Variants in CDC25C observed in about 807,000 individuals in gnomAD.
The protein encoded by CDC25C is M-phase inducer phosphatase 3.
Under a neutral mutation model 52.5 loss-of-function variants are expected in CDC25C, and 48 were observed. The ratio of observed to expected loss-of-function variants is 0.91; its 90% confidence interval spans 0.72 to 1.16. CDC25C has a LOEUF of 1.16. Ranked by LOEUF, CDC25C falls within the 50% of genes most tolerant of loss-of-function variation. CDC25C has a pLI of 0.00. For missense variants in CDC25C, 510 were observed against 566.1 expected, an observed-to-expected ratio of 0.90 and a Z score of 1.01; for synonymous variants, 187 against 206.5, an observed-to-expected ratio of 0.91 and a Z score of 0.81.
intron 7 of CDC25C, among the ~76,000 whole-genome samples, chr5:138,306,338 G>T (rs4522986): frequency 0.45 from 68,219 of 151,380 alleles, 16,634 homozygotes; most frequent in South Asian, 0.68. Flanking sequence ...CCAGTGCCTA[G>T]CACACTTCCC....
At chr5:138,303,247 G>A (rs72803818) in intron 7 of CDC25C, among the ~76,000 whole-genome samples, 19,165 of 152,176 alleles carry the variant, frequency 0.13, 1,506 homozygotes, top group Non-Finnish European at 0.17. Flanking sequence ...AAGGCAAGGG[G>A]TTGTAAGTAA....
intron 7 of CDC25C, among the ~76,000 whole-genome samples, chr5:138,300,824 A>G (rs939932715): frequency 6.6e-6 from 1 of 152,224 alleles, no homozygotes; most frequent in Non-Finnish European, 1.5e-5. Flanking sequence ...TTAGAATTCA[A>G]TAACAGAAAG....
intron 7 of CDC25C, among the ~76,000 whole-genome samples, chr5:138,312,914 C>T (rs1255094472): frequency 6.6e-6 from 1 of 151,868 alleles, no homozygotes; most frequent in African/African-American, 2.4e-5. Flanking sequence ...ACACTGATTA[C>T]CAATGAAAAC....
chr5:138,304,414 GTC>G (rs1261721336), intron 7 of CDC25C, among the ~76,000 whole-genome samples: 1 of 133,684 alleles, frequency 7.5e-6, no homozygotes, highest in African/African-American at 2.9e-5. Flanking sequence ...CCATTTCTCT[GTC>G]TCCATAGTCA....
intron 6 of CDC25C, 95 bp downstream of exon 6, chr5:138,325,720 G>T: frequency 1.2e-6 from 1 of 813,696 alleles, no homozygotes; most frequent in Non-Finnish European, 2.0e-6. Flanking sequence ...TCTAGCATAC[G>T]AGGTATAAAC....
chr5:138,312,011 G>A (rs892782869), intron 7 of CDC25C, among the ~76,000 whole-genome samples: 4 of 152,102 alleles, frequency 2.6e-5, no homozygotes, highest in Non-Finnish European at 5.9e-5. Context: ...ATACCATTTC[G>A]TAGTCATCAG....
At chr5:138,329,275 C>G (rs920551377) in intron 3 of CDC25C, among the ~76,000 whole-genome samples, 1 of 152,214 alleles carries the variant, frequency 6.6e-6, no homozygotes. Flanking sequence ...TTCTCATATC[C>G]TAATGACTAT....
intron 4 of CDC25C, 127 bp from the exon 5 acceptor site, chr5:138,326,181 C>T (rs1759842003): frequency 1.1e-6 from 1 of 921,638 alleles, no homozygotes; most frequent in South Asian, 1.3e-5. Flanking sequence ...TGATATGTCT[C>T]TTCCAACAAC....
chr5:138,330,590 C>T (rs2126848582), intron 2 of CDC25C, among the ~76,000 whole-genome samples: 1 of 152,296 alleles, frequency 6.6e-6, no homozygotes. Flanking sequence ...TAACTGCAGC[C>T]TCCACCTCCC....
intron 7 of CDC25C, among the ~76,000 whole-genome samples, chr5:138,304,194 G>A (rs993505234): frequency 2.6e-5 from 4 of 151,834 alleles, no homozygotes; most frequent in South Asian, 2.1e-4. Context: ...TTTGAGACAG[G>A]GTCTTGCTCT....
intron 7 of CDC25C, among the ~76,000 whole-genome samples, chr5:138,307,202 T>A (rs112042767): frequency 6.6e-6 from 1 of 151,748 alleles, no homozygotes; most frequent in Non-Finnish European, 1.5e-5. Flanking sequence ...GGATGGGCCA[T>A]CAATCAAAAA....
rs1760095975 is a variant in CDC25C at position 138,328,775 on chromosome 5, T to G, written c.290-246A>C. 3 of 259,962 alleles carry G rather than the reference T, an allele frequency of 1.2e-5. No homozygotes were observed. In the East Asian group the frequency reaches 2.0e-4, roughly 17 times the overall value. 16.1% of individuals were successfully genotyped at this position (259,962 alleles called of 1,614,324 possible). A position where few individuals can be genotyped will look rare whatever the true frequency, so the allele number is the denominator to read the frequency against. ...ACACTACACTATGCTACCTATGGAG[T>G]TTTTTTTTTTCTTATGGGTAGAAAA... On this transcript the variant is annotated intron_variant, in intron 3 of 13. Transcript: ENST00000323760.
chr5:138,306,057 G>A (rs1040637427), intron 7 of CDC25C, among the ~76,000 whole-genome samples: 1 of 152,182 alleles, frequency 6.6e-6, no homozygotes, highest in Non-Finnish European at 1.5e-5. Context: ...TGAGTGTCTA[G>A]CCAGCAAGTG....
At chr5:138,289,757 T>C (rs1756555001) in intron 9 of CDC25C, among the ~76,000 whole-genome samples, 194 bp from the exon 10 acceptor site, 1 of 152,020 alleles carries the variant, frequency 6.6e-6, no homozygotes, top group African/African-American at 2.4e-5. Context: ...ATCAAGGATG[T>C]GTACGAAGTT....
At chr5:138,298,808 AT>A (rs1477829521) in intron 7 of CDC25C, among the ~76,000 whole-genome samples, 1 of 152,170 alleles carries the variant, frequency 6.6e-6, no homozygotes, top group African/African-American at 2.4e-5. Context: ...ATTTAAAAGG[AT>A]TGAAATCACA....
At chr5:138,295,650 CT>C (rs1468539847) in intron 7 of CDC25C, among the ~76,000 whole-genome samples, 1 of 151,636 alleles carries the variant, frequency 6.6e-6, no homozygotes, top group African/African-American at 2.4e-5. Flanking sequence ...GAGCAAGCTA[CT>C]TCTTTCCTAT....
chr5:138,314,750 A>C (rs1189437764), intron 7 of CDC25C, among the ~76,000 whole-genome samples: 1 of 148,566 alleles, frequency 6.7e-6, no homozygotes, highest in African/African-American at 2.5e-5. Context: ...CTGGGATTAC[A>C]GGTGCCCGCC....
upstream of CDC25C, among the ~76,000 whole-genome samples, chr5:138,334,884 T>C (rs1397363360): frequency 6.6e-6 from 1 of 152,266 alleles, no homozygotes; most frequent in Non-Finnish European, 1.5e-5. Context: ...ATCTAAGTTA[T>C]CCTTCCCAGA....
In CDC25C at chr5:138,285,829, G is replaced by T. The variant is rs753386432; in HGVS notation, c.1285C>A (p.Pro429Thr). ...FFPEYMELCE[P>T]QSYCPMHHQD... ...TGATGCATAGGGCAGTAGCTCTGTG[G>T]TTCACACAGTTCCTGAAAGGTAAGG... The change falls in exon 14 of 14, where the codon CCA becomes ACA. Residue 429 changes from proline (P) to threonine (T), a missense_variant. Physicochemically the swap from Pro to Thr is conservative, Grantham distance 38 (BLOSUM62 -1). Coordinates refer to ENST00000323760, the MANE Select transcript of CDC25C (RefSeq NM_001790.5). 1.8e-5 allele frequency: 29 copies of T among 1,613,994 alleles called. No individual in the cohort carries two copies. The highest frequency in any genetic ancestry group is 2.4e-5 in the Non-Finnish European group (28 of 1,179,988).
Sources: allele counts gnomAD v4.1 joint callset (sites outside exome capture counted in the v4.1 genomes callset), GRCh38; gene constraint gnomAD v4.1.1; transcripts MANE v1.5; gene names NCBI Gene and HGNC (gene_info 2026-07-23, HGNC 2026-07-21).